FBXO34: variants seen among roughly 807,000 people sequenced by gnomAD.
FBXO34 encodes F-box protein 34.
FBXO34 carries 12 observed loss-of-function variants against 24.5 expected under a neutral mutation model. The observed-to-expected ratio is 0.49, with a 90% CI of 0.31 to 0.79. The LOEUF (loss-of-function observed/expected upper bound fraction) is 0.79. Ranked by LOEUF, FBXO34 falls within the 30% of genes least tolerant of loss-of-function variation. The pLI, the probability that FBXO34 is intolerant of heterozygous loss-of-function variation, is 0.04. For synonymous variants in FBXO34, 320 were observed against 311.9 expected (o/e 1.03, Z -0.27); for missense variants, 823 against 857.7 (o/e 0.96, Z 0.51).
chr14:55,405,772 G>A, the FBXO34 span, among the ~76,000 whole-genome samples: 17 of 152,114 alleles, frequency 1.1e-4, no homozygotes, highest in Admixed American at 3.3e-4. Flanking sequence ...TGGAGGTACT[G>A]CCTAATATCA....
At chr14:55,408,783 A>C in the FBXO34 span, among the ~76,000 whole-genome samples, 11 of 152,182 alleles carry the variant, frequency 7.2e-5, no homozygotes, top group Admixed American at 6.5e-4. Flanking sequence ...AAAAAATAAA[A>C]TAAAATAAAT....
intron 1 of FBXO34, among the ~76,000 whole-genome samples, chr14:55,275,446 G>C (rs1338574175): frequency 6.6e-6 from 1 of 152,162 alleles, no homozygotes; most frequent in Non-Finnish European, 1.5e-5. Flanking sequence ...CTTGCTGCAA[G>C]GACCCTTAAC....
At chr14:55,401,128 C>A in the FBXO34 span, among the ~76,000 whole-genome samples, 2 of 151,938 alleles carry the variant, frequency 1.3e-5, no homozygotes, top group Admixed American at 6.6e-5. Context: ...GCCTCCCATC[C>A]CTCCCTCTGA....
the FBXO34 span, among the ~76,000 whole-genome samples, chr14:55,416,597 G>C: frequency 1.3e-5 from 2 of 152,138 alleles, no homozygotes; most frequent in Non-Finnish European, 2.9e-5. Context: ...GGTAGAAAAA[G>C]CCACAAGTTT....
chr14:55,298,537 C>T (rs1311673672), intron 1 of FBXO34: 10 of 621,346 alleles, frequency 1.6e-5, no homozygotes, highest in African/African-American at 1.5e-4. Context: ...ATTTGACCTA[C>T]TTCTTGTCCT....
chr14:55,413,933 T>A, the FBXO34 span: 1 of 484,168 alleles, frequency 2.1e-6, no homozygotes, highest in African/African-American at 2.0e-5. Context: ...GCCATTCCCT[T>A]GATGTCTACA....
rs1277298074 is a variant in FBXO34, at chr14:55,352,609, TGA to T, written c.*85_*86del. 8.9e-7 allele frequency: 1 copy of T among 1,129,070 alleles called. No homozygotes were observed. Among genetic ancestry groups the T allele is most frequent in the Non-Finnish European group, 1.2e-6 (1 of 801,784 alleles). The allele number at this position is 1,129,070 out of a possible 1,614,324, so 69.9% of individuals were successfully genotyped here. ...CACCGTTCAAATGAGCGTAGCCCCC[TGA>T]GTCATCACTCTAGAAGAATCTGTAC... On this transcript the variant is annotated 3_prime_UTR_variant, in exon 2 of 2. Transcript: ENST00000313833.
At chr14:55,348,325 C>A (rs147442867) in intron 1 of FBXO34, among the ~76,000 whole-genome samples, 414 of 152,056 alleles carry the variant, frequency 2.7e-3, no homozygotes, top group Middle Eastern at 6.8e-3. Context: ...AACTCTTGGG[C>A]TCAATAGATC....
intron 1 of FBXO34, among the ~76,000 whole-genome samples, chr14:55,294,851 T>C (rs1882066483): frequency 6.6e-6 from 1 of 152,176 alleles, no homozygotes; most frequent in African/African-American, 2.4e-5. Flanking sequence ...AGTGGTGGTT[T>C]AGTTAATGCT....
chr14:55,425,896 C>T, the FBXO34 span, among the ~76,000 whole-genome samples: 1,310 of 152,292 alleles, frequency 8.6e-3, 17 homozygotes, highest in African/African-American at 0.03. Flanking sequence ...CCATTATCAT[C>T]CTAGCATCTG....
chr14:55,313,180 C>T (rs909337176), intron 1 of FBXO34, among the ~76,000 whole-genome samples: 1 of 152,198 alleles, frequency 6.6e-6, no homozygotes, highest in Non-Finnish European at 1.5e-5. Flanking sequence ...TCATCTGTCT[C>T]AAGTTCAAAG....
At chr14:55,292,913 C>T (rs1881989701) in intron 1 of FBXO34, among the ~76,000 whole-genome samples, 1 of 152,082 alleles carries the variant, frequency 6.6e-6, no homozygotes, top group Non-Finnish European at 1.5e-5. Flanking sequence ...AACGGAGTCT[C>T]ACTCTTTCAC....
At chr14:55,360,261 C>T (rs144689205) in intron 3 of FBXO34, among the ~76,000 whole-genome samples, 51 of 152,004 alleles carry the variant, frequency 3.4e-4, no homozygotes, top group African/African-American at 1.0e-3. Context: ...TTAGTAGAGA[C>T]GGGGTTTTAC....
chr14:55,386,153 C>G, the FBXO34 span: 1 of 1,399,402 alleles, frequency 7.1e-7, no homozygotes, highest in African/African-American at 1.4e-5. Context: ...CTGTGTACTG[C>G]AGAGCTCCAC....
At chr14:55,331,717 G>GTGTATA (rs1474558737) in intron 1 of FBXO34, among the ~76,000 whole-genome samples, 1 of 30,630 alleles carries the variant, frequency 3.3e-5, no homozygotes, top group African/African-American at 4.4e-4. Context: ...ATATATATAT[G>GTGTATA]TATATATATA....
the FBXO34 span, among the ~76,000 whole-genome samples, chr14:55,402,961 ATATAT>A: frequency 5.2e-5 from 4 of 76,740 alleles, no homozygotes; most frequent in East Asian, 3.1e-4. Flanking sequence ...ATATATATAT[ATATAT>A]ATAAATAGCT....
At chr14:55,316,954 T>G (rs1164198204) in intron 1 of FBXO34, among the ~76,000 whole-genome samples, 1 of 152,218 alleles carries the variant, frequency 6.6e-6, no homozygotes, top group African/African-American at 2.4e-5. Flanking sequence ...AAAAACTGAT[T>G]AGAAGCTCTG....
intron 1 of FBXO34, among the ~76,000 whole-genome samples, chr14:55,298,221 T>G (rs1413242385): frequency 6.7e-6 from 1 of 148,578 alleles, no homozygotes; most frequent in East Asian, 1.9e-4. Context: ...TTTTTTGCGT[T>G]TTTTTTTAAG....
intron 1 of FBXO34, chr14:55,339,482 T>C (rs1883918582): frequency 6.6e-6 from 1 of 151,920 alleles, no homozygotes; most frequent in African/African-American, 2.4e-5. Context: ...TTATCCTTTT[T>C]ATATGGCTTT....
Sources: allele counts gnomAD v4.1 joint callset (sites outside exome capture counted in the v4.1 genomes callset), GRCh38; gene constraint gnomAD v4.1.1; transcripts MANE v1.5; gene names NCBI Gene and HGNC (gene_info 2026-07-23, HGNC 2026-07-21).